Variants in RAPGEFL1 observed in about 807,000 individuals in gnomAD.
RAPGEFL1 encodes Rap guanine nucleotide exchange factor like 1, also known as rap guanine nucleotide exchange factor-like 1.
In RAPGEFL1, 31 loss-of-function variants were observed where a neutral mutation model predicts 64.4. That is an observed-to-expected ratio of 0.48 (90% CI 0.36 to 0.65). RAPGEFL1 has a LOEUF of 0.65. Among genes scored for constraint, RAPGEFL1 ranks in the 30% least tolerant of loss-of-function variants. RAPGEFL1 has a pLI of 0.00. For synonymous variants in RAPGEFL1, 331 were observed against 274.1 expected (o/e 1.21, Z -2.05); for missense variants, 682 against 677.4 (o/e 1.01, Z -0.08).
Position 40,184,659 on chromosome 17 carries a change from G to A in RAPGEFL1, c.814G>A (p.Val272Met), listed in dbSNP as rs371657365. The stretch of plus-strand genomic sequence containing the variant: ...GGACACTCTGAGGCTGCACCAGCTG[G>A]TGGAGACGGTGGAACTAAAGTGAGG... ...REDTLRLHQL[V>M]ETVELKIPEE... Residue 272 changes from valine (V) to methionine (M), a missense_variant, in exon 4 of 15, where the codon GTG becomes ATG. Coordinates refer to ENST00000620260, the MANE Select transcript of RAPGEFL1 (RefSeq NM_016339.6). 2 of 1,582,672 alleles carry A rather than the reference G, an allele frequency of 1.3e-6. No individual in the cohort carries two copies. The highest frequency in any genetic ancestry group is 8.6e-7 in the Non-Finnish European group (1 of 1,157,672).
At chr17:40,188,252 G>A (rs753591652) in intron 4 of RAPGEFL1, among the ~76,000 whole-genome samples, 12 of 151,974 alleles carry the variant, frequency 7.9e-5, no homozygotes, top group Non-Finnish European at 1.5e-4. Context: ...CCAAGGCCCA[G>A]GTCAAATGCC....
At chr17:40,184,702 G>A (rs778168128) in intron 4 of RAPGEFL1, 24 bp downstream of exon 4, 7 of 1,445,310 alleles carry the variant, frequency 4.8e-6, no homozygotes, top group South Asian at 2.5e-5. Context: ...GGGCAGGGGC[G>A]GGAACAGGAA....
chr17:40,178,310 G>T lies in RAPGEFL1; in HGVS notation c.449G>T (p.Arg150Leu), dbSNP rs755873753. 1.1e-5 allele frequency: 7 copies of T among 622,716 alleles called. No homozygotes were observed. In the East Asian group the frequency reaches 1.9e-4, roughly 17 times the overall value. 38.6% of individuals were successfully genotyped at this position (622,716 alleles called of 1,614,324 possible). Residue 150 changes from arginine (R) to leucine (L), a missense_variant, in exon 1 of 15, where the codon CGG (arginine) becomes CTG (leucine). By Grantham distance (102) the Arg-to-Leu change is moderately radical (BLOSUM62 -2). Coordinates refer to ENST00000620260, the MANE Select transcript of RAPGEFL1 (RefSeq NM_016339.6). Reference sequence around the variant, plus strand: ...TGGGCCCCTCTGGGCGCCCCCGAGCGGCCCGAGCATCTTCTGAACCGGGTT... The same window carrying T: ...TGGGCCCCTCTGGGCGCCCCCGAGCTGCCCGAGCATCTTCTGAACCGGGTT... ...PPWAPLGAPE[R>L]PEHLLNRVLE...
In RAPGEFL1 at chr17:40,192,720, C is replaced by G. The variant is rs761593980; in HGVS notation, c.1744+27C>G. ...TGAGAGAGTTACTCCCAAGCTGTGCCGCTTCCACCCATGCTTCCCTTCTCC... is the reference window on the plus strand; with the variant it reads ...TGAGAGAGTTACTCCCAAGCTGTGCGGCTTCCACCCATGCTTCCCTTCTCC... On this transcript the variant is annotated intron_variant, in intron 12 of 14. Coordinates refer to ENST00000620260, the MANE Select transcript of RAPGEFL1 (RefSeq NM_016339.6). The G allele has an allele frequency of 8.8e-6, 14 of 1,587,450 alleles. No individual in the cohort carries two copies. In the African/African-American group the frequency reaches 1.6e-4, roughly 18 times the overall value.
rs1167898505 is a variant in RAPGEFL1 at position 40,178,127 on chromosome 17, C to T, written c.266C>T (p.Ala89Val). 15 of 551,206 alleles carry T rather than the reference C, an allele frequency of 2.7e-5. No individual in the cohort carries two copies. Among genetic ancestry groups the T allele is most frequent in the Non-Finnish European group, 4.2e-5 (13 of 312,510 alleles). The allele number at this position is 551,206 out of a possible 1,614,324, so 34.1% of individuals were successfully genotyped here. The change falls in exon 1 of 15, where the codon GCG becomes GTG. Residue 89 changes from alanine (A) to valine (V), a missense_variant. Around this residue, in one of 2 missense-constraint regions of RAPGEFL1, gnomAD observed 271 missense variants for 158.0 expected, o/e 1.72. Transcript: ENST00000620260. ...PPPEEEGGEPAGVAEEPGSGG... is the reference protein window; with the variant it reads ...PPPEEEGGEPVGVAEEPGSGG... Reference sequence around the variant, plus strand: ...CCTGAGGAGGAAGGAGGAGAGCCGGCGGGGGTCGCGGAGGAGCCGGGCAGC... The same window carrying T: ...CCTGAGGAGGAAGGAGGAGAGCCGGTGGGGGTCGCGGAGGAGCCGGGCAGC...
intron 6 of RAPGEFL1, 141 bp from the exon 7 acceptor site, chr17:40,190,293 T>A (rs1011829694): frequency 1.5e-6 from 1 of 658,914 alleles, no homozygotes; most frequent in African/African-American, 1.8e-5. Flanking sequence ...AAATATGGCA[T>A]AAACTAGTGA....
At chr17:40,193,519 C>T (rs1233158867) in intron 14 of RAPGEFL1, 102 bp downstream of exon 14, 26 of 1,567,732 alleles carry the variant, frequency 1.7e-5, no homozygotes, top group Non-Finnish European at 2.2e-5. Context: ...CATACACTTG[C>T]TGGTTCCCCA....
intron 8 of RAPGEFL1, 163 bp downstream of exon 8, chr17:40,190,925 A>G (rs1045062153): frequency 1.9e-5 from 21 of 1,121,162 alleles, no homozygotes; most frequent in Admixed American, 1.4e-4. Flanking sequence ...AAAAATCGCA[A>G]AGAGAGAGAC....
chr17:40,187,399 T>A (rs1380797392), intron 4 of RAPGEFL1, among the ~76,000 whole-genome samples: 2 of 152,144 alleles, frequency 1.3e-5, no homozygotes, highest in African/African-American at 2.4e-5. Context: ...TAGAGAGATC[T>A]TTCATGCTCC....
At chr17:40,179,746 C>CT (rs765874150) in intron 1 of RAPGEFL1, among the ~76,000 whole-genome samples, 3 of 152,148 alleles carry the variant, frequency 2.0e-5, no homozygotes, top group Admixed American at 1.3e-4. Flanking sequence ...GGCTGAGGCC[C>CT]TAATGGTGAG....
At chr17:40,182,285 GC>G (rs1489745906) in intron 2 of RAPGEFL1, among the ~76,000 whole-genome samples, 1 of 152,112 alleles carries the variant, frequency 6.6e-6, no homozygotes, top group Non-Finnish European at 1.5e-5. Context: ...TTTGGAGGCT[GC>G]AGAGCCCTGT....
At chr17:40,190,901 T>G in intron 8 of RAPGEFL1, 139 bp downstream of exon 8, 1 of 1,345,756 alleles carries the variant, frequency 7.4e-7, no homozygotes, top group Non-Finnish European at 1.0e-6. Flanking sequence ...GTAACCTTTG[T>G]TCCCCCATCT....
At chr17:40,179,736 G>A (rs568047419) in intron 1 of RAPGEFL1, among the ~76,000 whole-genome samples, 1 of 152,230 alleles carries the variant, frequency 6.6e-6, no homozygotes, top group East Asian at 1.9e-4. Flanking sequence ...TGGGAGCCCC[G>A]GCTGAGGCCC....
rs1990347606 is a variant in RAPGEFL1, at chr17:40,193,421, A to G, written c.1864+4A>G. 6.2e-7 allele frequency: 1 copy of G among 1,614,072 alleles called. No individual in the cohort carries two copies. The highest frequency in any genetic ancestry group is 8.5e-7 in the Non-Finnish European group (1 of 1,180,032). On this transcript the variant is annotated splice_donor_region_variant and intron_variant, in intron 14 of 14. Coordinates refer to ENST00000620260, the MANE Select transcript of RAPGEFL1 (RefSeq NM_016339.6). ...AAATACCGGAGCCGGCCCCTTTGTG[A>G]GTACCCAGGGTACTGAGAGCAGTAC...
intron 12 of RAPGEFL1, 116 bp downstream of exon 12, chr17:40,192,809 GC>G (rs1346113801): frequency 2.2e-6 from 3 of 1,338,494 alleles, no homozygotes; most frequent in African/African-American, 1.4e-5. Context: ...CTGGAGAGGA[GC>G]CCCCCACCAC....
At chr17:40,179,510 G>A (rs982767471) in intron 1 of RAPGEFL1, among the ~76,000 whole-genome samples, 17 of 123,186 alleles carry the variant, frequency 1.4e-4, no homozygotes, top group African/African-American at 5.3e-4. Flanking sequence ...GTGAGCCACC[G>A]GACCTGGCAC....
At chr17:40,182,619 GTTA>G (rs1381846554) in intron 2 of RAPGEFL1, among the ~76,000 whole-genome samples, 4 of 152,192 alleles carry the variant, frequency 2.6e-5, no homozygotes, top group Non-Finnish European at 5.9e-5. Context: ...CAGCCAAGGT[GTTA>G]TTATTCTACT....
intron 1 of RAPGEFL1, among the ~76,000 whole-genome samples, chr17:40,179,093 T>C (rs1385467763): frequency 6.6e-6 from 1 of 151,340 alleles, no homozygotes; most frequent in Non-Finnish European, 1.5e-5. Flanking sequence ...TTTGGAGATG[T>C]AGTCTCACTG....
intron 14 of RAPGEFL1, 62 bp from the exon 15 acceptor site, chr17:40,193,602 T>C: frequency 3.7e-6 from 6 of 1,607,340 alleles, no homozygotes; most frequent in Non-Finnish European, 5.1e-6. Flanking sequence ...TTCTGCCCGG[T>C]GTGTGTGTAG....
Sources: gnomAD v4.1 joint callset for allele counts (sites outside exome capture counted in the v4.1 genomes callset) on GRCh38, gnomAD v4.1.1 for gene constraint, gnomAD v4.1.1 regional missense constraint, MANE v1.5 for transcripts, NCBI Gene and HGNC (gene_info 2026-07-23, HGNC 2026-07-21) for gene names.